Variants in RPTOR observed in about 807,000 individuals in gnomAD.
RPTOR encodes regulatory associated protein of MTOR complex 1, also known as regulatory-associated protein of mTOR.
In RPTOR, 21 loss-of-function variants were observed where a neutral mutation model predicts 169.9. The ratio of observed to expected loss-of-function variants is 0.12; its 90% CI spans 0.09 to 0.18. The LOEUF (loss-of-function observed/expected upper bound fraction) is 0.18, where lower values mean the gene tolerates loss of function less well. Ranked by LOEUF, RPTOR falls within the 10% of genes least tolerant of loss-of-function variation. The pLI, the probability that RPTOR is intolerant of heterozygous loss-of-function variation, is 1.00. For missense variants in RPTOR, 1,133 were observed against 1,855.9 expected (o/e 0.61, Z 7.16); for synonymous variants, 732 against 753.2 (o/e 0.97, Z 0.46).
At position 80,606,172 on chromosome 17, in the gene RPTOR, C is replaced by T. The variant is rs1367165421; in HGVS notation, c.163-19519C>T. Among the ~76,000 whole-genome samples, 8 of 152,030 alleles carry T rather than the reference C, an allele frequency of 5.3e-5. No individual in the cohort carries two copies. The South Asian group carries it at 6.2e-4, about 12-fold the overall frequency. On this transcript the variant is annotated intron_variant, in intron 1 of 33. Coordinates refer to ENST00000306801, the MANE Select transcript of RPTOR (RefSeq NM_020761.3). ...GACTACAGGAACCCACCACCATGTCCGGCTAATTTTTGTATTTTCAGTAGA... is the reference window on the plus strand; with the variant it reads ...GACTACAGGAACCCACCACCATGTCTGGCTAATTTTTGTATTTTCAGTAGA...
intron 24 of RPTOR, among the ~76,000 whole-genome samples, chr17:80,928,736 T>G (rs367919996): frequency 1.3e-5 from 2 of 152,218 alleles, no homozygotes; most frequent in African/African-American, 4.8e-5. Context: ...AAAAGAATAT[T>G]AAAAATGGTC....
intron 5 of RPTOR, among the ~76,000 whole-genome samples, chr17:80,752,808 T>C (rs11651943): frequency 9.6e-4 from 147 of 152,340 alleles, no homozygotes; most frequent in Non-Finnish European, 1.9e-3. Flanking sequence ...TTTTAAACCT[T>C]TGAATGTAAT....
intron 1 of RPTOR, among the ~76,000 whole-genome samples, chr17:80,548,377 T>TTTGTTTTTTG: frequency 7.4e-6 from 1 of 135,140 alleles, no homozygotes; most frequent in African/African-American, 2.8e-5. Context: ...GGTGGTTTTT[T>TTTGTTTTTTG]TTTTTTTTTT....
At chr17:80,785,991 C>T (rs1041096626) in intron 6 of RPTOR, among the ~76,000 whole-genome samples, 16 of 152,122 alleles carry the variant, frequency 1.1e-4, no homozygotes, top group Non-Finnish European at 2.2e-4. Flanking sequence ...GAGCGTCTGT[C>T]CATGGGGAGA....
chr17:80,882,424 T>A (rs895818717), intron 14 of RPTOR, among the ~76,000 whole-genome samples: 7 of 152,204 alleles, frequency 4.6e-5, no homozygotes, highest in African/African-American at 1.7e-4. Context: ...ACAAACGTTA[T>A]TAGCAAAGGA....
At chr17:80,822,782 CTGTA>C (rs2067394674) in intron 8 of RPTOR, among the ~76,000 whole-genome samples, 1 of 90,648 alleles carries the variant, frequency 1.1e-5, no homozygotes, top group Admixed American at 8.8e-5. Context: ...ATGTGTACAC[CTGTA>C]TGTGTGTGCG....
Position 80,718,466 on chromosome 17 carries a change from C to T in RPTOR, c.507+10467C>T, listed in dbSNP as rs761607037. Among the ~76,000 whole-genome samples, 5 of 152,088 alleles carry T rather than the reference C, an allele frequency of 3.3e-5. No homozygotes were observed. In the South Asian group the frequency reaches 6.2e-4, roughly 19 times the overall value. On this transcript the variant is annotated intron_variant, in intron 4 of 33. Transcript: ENST00000306801. ...GTTGGTTATAAGTCTAGCTTAAAGC[C>T]GAATTGCATGATGATGTATTGTGAT...
At chr17:80,737,429 A>C (rs2066442573) in intron 5 of RPTOR, among the ~76,000 whole-genome samples, 1 of 152,188 alleles carries the variant, frequency 6.6e-6, no homozygotes, top group African/African-American at 2.4e-5. Flanking sequence ...CACCAGCCTG[A>C]GTGCTTTCCG....
chr17:80,561,263 G>GTGTATATATATATATATATATATATATA (rs1297941814), intron 1 of RPTOR, among the ~76,000 whole-genome samples: 1 of 19,610 alleles, frequency 5.1e-5, no homozygotes, highest in African/African-American at 9.1e-5. Flanking sequence ...ATATATATAT[G>GTGTATATATATATATATATATATATATA]TATATATATA....
chr17:80,793,507 T>C (rs1232161684), intron 7 of RPTOR, among the ~76,000 whole-genome samples: 6 of 152,204 alleles, frequency 3.9e-5, no homozygotes, highest in Admixed American at 3.9e-4. Context: ...AGGGCCGCAG[T>C]ATCCTTTCTC....
Position 80,686,288 on chromosome 17 carries a change from G to A in RPTOR, c.349-21553G>A, listed in dbSNP as rs537924207. Among the ~76,000 whole-genome samples the A allele has an allele frequency of 9.6e-4, 145 of 150,898 alleles. 3 individuals carry two copies. In the South Asian group the frequency reaches 0.028, roughly 29 times the overall value. On this transcript the variant is annotated intron_variant, in intron 3 of 33. Transcript: ENST00000306801. ...TGCAAGCTCCGCCTCCTGGGTTCAC[G>A]CCATTCTCCTGCCTCAGCCTCCTGA...
At chr17:80,626,052 T>TTTA (rs974629265) in intron 2 of RPTOR, among the ~76,000 whole-genome samples, 1 of 152,128 alleles carries the variant, frequency 6.6e-6, no homozygotes, top group Non-Finnish European at 1.5e-5. Flanking sequence ...TATTTTTTTA[T>TTTA]TTATTATTAT....
chr17:80,850,777 C>T (rs538997323), intron 11 of RPTOR, among the ~76,000 whole-genome samples: 4 of 152,260 alleles, frequency 2.6e-5, no homozygotes, highest in South Asian at 4.1e-4. Flanking sequence ...CCATGTACAT[C>T]GGGGACTCCA....
At chr17:80,857,720 C>T (rs1305682716) in intron 12 of RPTOR, 70 bp from the exon 13 acceptor site, 6 of 1,057,896 alleles carry the variant, frequency 5.7e-6, no homozygotes, top group Non-Finnish European at 7.2e-6. Flanking sequence ...GCTGGTCCCG[C>T]GTGGCACCCC....
chr17:80,737,965 G>C (rs907990685), intron 5 of RPTOR, among the ~76,000 whole-genome samples: 2 of 150,192 alleles, frequency 1.3e-5, no homozygotes, highest in African/African-American at 4.9e-5. Flanking sequence ...CCACAGAACG[G>C]CCATCCCCAA....
intron 1 of RPTOR, among the ~76,000 whole-genome samples, chr17:80,616,203 A>T (rs1479614169): frequency 2.0e-5 from 3 of 152,124 alleles, no homozygotes; most frequent in African/African-American, 7.2e-5. Context: ...GCTAATTTTA[A>T]TTTGCATCAG....
chr17:80,715,015 G>C (rs992260568), intron 4 of RPTOR, among the ~76,000 whole-genome samples: 1 of 152,246 alleles, frequency 6.6e-6, no homozygotes, highest in African/African-American at 2.4e-5. Flanking sequence ...GAGCTACTGT[G>C]CTCAGCCTAA....
chr17:80,706,257 G>GT (rs985765518), intron 3 of RPTOR, among the ~76,000 whole-genome samples: 13 of 152,072 alleles, frequency 8.5e-5, no homozygotes, highest in African/African-American at 3.1e-4. Flanking sequence ...TTTCACACCC[G>GT]TTGTTCCCCT....
intron 4 of RPTOR, chr17:80,709,115 G>A (rs1332326705): frequency 2.6e-5 from 26 of 985,046 alleles, no homozygotes; most frequent in Non-Finnish European, 2.9e-5. Context: ...AGTTAGAAAG[G>A]TATCCACCCA....
Sources: allele counts gnomAD v4.1 joint callset (sites outside exome capture counted in the v4.1 genomes callset), GRCh38; gene constraint gnomAD v4.1.1; transcripts MANE v1.5; gene names NCBI Gene and HGNC (gene_info 2026-07-23, HGNC 2026-07-21).